CNTN4: variants seen among roughly 807,000 people sequenced by gnomAD.
CNTN4 encodes the protein contactin-4.
CNTN4 carries 77 observed loss-of-function variants against 122.5 expected under a neutral mutation model. The ratio of observed to expected loss-of-function variants is 0.63; its 90% confidence interval spans 0.52 to 0.76. The LOEUF (loss-of-function observed/expected upper bound fraction) is 0.76, where lower values mean the gene tolerates loss of function less well. Among genes scored for constraint, CNTN4 ranks in the 30% least tolerant of loss-of-function variants. CNTN4 has a pLI of 0.00. For missense variants in CNTN4, 1,256 were observed against 1,259.1 expected, an observed-to-expected ratio of 1.00 and a Z score of 0.04; for synonymous variants, 512 against 447.0, an observed-to-expected ratio of 1.15 and a Z score of -1.83.
At chr3:2,530,418 C>T (rs973836118) in intron 3 of CNTN4, among the ~76,000 whole-genome samples, 4 of 150,568 alleles carry the variant, frequency 2.7e-5, no homozygotes, top group African/African-American at 9.8e-5. Flanking sequence ...AAGCGATTCT[C>T]GTGCCTTAGG....
chr3:2,402,273 G>T (rs1431607060), intron 3 of CNTN4, among the ~76,000 whole-genome samples: 2 of 152,038 alleles, frequency 1.3e-5, no homozygotes, highest in African/African-American at 2.4e-5. Context: ...TCTCTCTTAT[G>T]AGCTTAGGGA....
In CNTN4 at chr3:2,113,197, A is replaced by G. The variant is rs2729006; in HGVS notation, c.-145+12558A>G. 5.8e-3 allele frequency among the ~76,000 whole-genome samples: 887 copies of G among 152,284 alleles called. 7 individuals carry two copies. Among genetic ancestry groups the G allele is most frequent in the African/African-American group, 0.02 (816 of 41,564 alleles). ...CGGGTGGAAGGGCTGTTTCCCTTATATCTGAATATAACATAATAAATTGTC... is the reference window on the plus strand; with the variant it reads ...CGGGTGGAAGGGCTGTTTCCCTTATGTCTGAATATAACATAATAAATTGTC... On this transcript the variant is annotated intron_variant, in intron 2 of 24. Coordinates refer to ENST00000418658, the MANE Select transcript of CNTN4 (RefSeq NM_175607.3).
At chr3:2,802,127 G>A (rs1303333143) in intron 6 of CNTN4, among the ~76,000 whole-genome samples, 1 of 151,800 alleles carries the variant, frequency 6.6e-6, no homozygotes, top group African/African-American at 2.4e-5. Context: ...TCATTTTTAT[G>A]CCTGAAGCAT....
intron 6 of CNTN4, among the ~76,000 whole-genome samples, chr3:2,753,266 A>G (rs1215962677): frequency 6.6e-6 from 1 of 152,148 alleles, no homozygotes. Flanking sequence ...AGCTTGAACA[A>G]GGTACTTTTT....
chr3:2,798,372 T>TCTATCTATCTATCTATCTATCTATCTAC (rs1559514888), intron 6 of CNTN4, among the ~76,000 whole-genome samples: 1 of 149,702 alleles, frequency 6.7e-6, no homozygotes, highest in Non-Finnish European at 1.5e-5. Flanking sequence ...CATAAATCTA[T>TCTATCTATCTATCTATCTATCTATCTAC]CTATCTATCT....
At chr3:2,568,317 G>GGA (rs1553562723) in intron 3 of CNTN4, among the ~76,000 whole-genome samples, 730 of 71,106 alleles carry the variant, frequency 0.01, 11 homozygotes, top group African/African-American at 0.036. Flanking sequence ...GCAAGAATGT[G>GGA]AAAAAAAAAA....
intron 3 of CNTN4, among the ~76,000 whole-genome samples, chr3:2,343,407 C>T (rs1253567276): frequency 6.6e-6 from 1 of 152,186 alleles, no homozygotes; most frequent in Admixed American, 6.5e-5. Flanking sequence ...CCCCCTCCTG[C>T]AACCAATCAG....
chr3:2,978,844 A>G (rs1034282075), intron 13 of CNTN4, among the ~76,000 whole-genome samples: 13 of 152,054 alleles, frequency 8.5e-5, no homozygotes, highest in African/African-American at 1.7e-4. Flanking sequence ...CCATCCTCCC[A>G]GTTTGCTTAA....
At chr3:2,695,865 G>A (rs893567442) in intron 4 of CNTN4, among the ~76,000 whole-genome samples, 12 of 152,162 alleles carry the variant, frequency 7.9e-5, no homozygotes, top group Non-Finnish European at 4.4e-5. Flanking sequence ...AGAGAAGAAT[G>A]ATAGGAAGGG....
chr3:2,612,368 A>G (rs1051960537), intron 4 of CNTN4, among the ~76,000 whole-genome samples: 2 of 152,150 alleles, frequency 1.3e-5, no homozygotes, highest in Non-Finnish European at 2.9e-5. Flanking sequence ...TACCTCATGT[A>G]GTTTATTGAA....
At chr3:2,481,707 C>A (rs2076011817) in intron 3 of CNTN4, among the ~76,000 whole-genome samples, 1 of 151,808 alleles carries the variant, frequency 6.6e-6, no homozygotes, top group African/African-American at 2.4e-5. Context: ...GTGGGGGGGA[C>A]CTTGTGGGAG....
At chr3:2,281,067 G>GA (rs2041697030) in intron 2 of CNTN4, among the ~76,000 whole-genome samples, 1 of 152,152 alleles carries the variant, frequency 6.6e-6, no homozygotes. Flanking sequence ...AGTTGGCTGT[G>GA]ACCTAACAAG....
intron 13 of CNTN4, among the ~76,000 whole-genome samples, chr3:2,973,590 C>A (rs772086764): frequency 9.9e-5 from 15 of 152,002 alleles, no homozygotes; most frequent in Non-Finnish European, 2.1e-4. Context: ...GTCCTAATCC[C>A]AGGAATTGTC....
At chr3:2,567,456 C>G (rs1327249295) in intron 3 of CNTN4, among the ~76,000 whole-genome samples, 1 of 152,138 alleles carries the variant, frequency 6.6e-6, no homozygotes, top group Non-Finnish European at 1.5e-5. Flanking sequence ...CTTCCAGCCT[C>G]TTTCCCCCTC....
chr3:2,831,422 C>T (rs1434650307), intron 7 of CNTN4, among the ~76,000 whole-genome samples: 2 of 152,132 alleles, frequency 1.3e-5, no homozygotes, highest in African/African-American at 2.4e-5. Flanking sequence ...TACAGAGAGA[C>T]CAACTCTGTC....
intron 4 of CNTN4, among the ~76,000 whole-genome samples, chr3:2,623,432 A>T (rs1380670308): frequency 2.0e-5 from 3 of 152,090 alleles, no homozygotes; most frequent in African/African-American, 7.2e-5. Flanking sequence ...CAGCAGTTTT[A>T]CCTAGGCTTT....
intron 3 of CNTN4, among the ~76,000 whole-genome samples, chr3:2,444,220 A>C (rs984057122): frequency 1.4e-4 from 21 of 152,080 alleles, no homozygotes; most frequent in African/African-American, 5.1e-4. Context: ...AAAAAAAAAA[A>C]AAAAAGCAGA....
At chr3:2,309,027 A>T (rs2042819542) in intron 2 of CNTN4, among the ~76,000 whole-genome samples, 1 of 151,856 alleles carries the variant, frequency 6.6e-6, no homozygotes, top group Non-Finnish European at 1.5e-5. Context: ...CTTCTGTCTG[A>T]TTTTCTTTCC....
intron 3 of CNTN4, among the ~76,000 whole-genome samples, chr3:2,488,930 A>G (rs1460374038): frequency 6.6e-6 from 1 of 152,230 alleles, no homozygotes. Flanking sequence ...ATAGTCTAGA[A>G]TCATAGATAA....
Sources: gnomAD v4.1 joint callset for allele counts (sites outside exome capture counted in the v4.1 genomes callset) on GRCh38, gnomAD v4.1.1 for gene constraint, MANE v1.5 for transcripts, NCBI Gene and HGNC (gene_info 2026-07-23, HGNC 2026-07-21) for gene names.